The following PACS2 variants were observed in gnomAD, a reference collection of about 807,000 sequenced individuals.
PACS2 encodes the protein PACS1-like protein.
PACS2 carries 36 observed loss-of-function variants against 113.0 expected under a neutral mutation model. The ratio of observed to expected loss-of-function variants is 0.32; its 90% CI spans 0.24 to 0.42. The LOEUF (loss-of-function observed/expected upper bound fraction) is 0.42, where lower values mean the gene tolerates loss of function less well. Among genes scored for constraint, PACS2 ranks in the 10% least tolerant of loss-of-function variants. PACS2 has a pLI of 1.00. For missense variants in PACS2, 1,015 were observed against 1,239.5 expected (o/e 0.82, Z 2.72); for synonymous variants, 589 against 536.1 (o/e 1.10, Z -1.36).
intron 2 of PACS2, among the ~76,000 whole-genome samples, chr14:105,349,131 T>TG (rs138505632): frequency 0.039 from 5,920 of 152,282 alleles, 427 homozygotes; most frequent in African/African-American, 0.13. Flanking sequence ...GCCCCCTCCT[T>TG]GGGGTAGAGC....
At chr14:105,383,642 C>CGGTGTGGCATGGCGT in intron 16 of PACS2, 129 bp downstream of exon 16, 4 of 814,250 alleles carry the variant, frequency 4.9e-6, no homozygotes, top group Admixed American at 6.1e-5. Context: ...TGGTGTGGCG[C>CGGTGTGGCATGGCGT]GGTGTGGCAT....
At chr14:105,394,007 C>T (rs1210809136) in intron 24 of PACS2, among the ~76,000 whole-genome samples, 1 of 145,732 alleles carries the variant, frequency 6.9e-6, no homozygotes, top group Non-Finnish European at 1.5e-5. Context: ...CACTGCACTC[C>T]AGCCTGGGTG....
chr14:105,308,830 C>T (rs2058266923), intron 1 of PACS2, among the ~76,000 whole-genome samples: 2 of 151,988 alleles, frequency 1.3e-5, no homozygotes, highest in Middle Eastern at 6.8e-3. Flanking sequence ...CCTTAGGGAC[C>T]CAGCACAGTG....
rs147251433 is a variant in PACS2, at chr14:105,323,548, C to T, written c.119+8511C>T. ...CGTTCCTGTAATGGAACCAGGATGT[C>T]ATGCCAAGGAGTGTGGTTTCATTTT... On this transcript the variant is annotated intron_variant, in intron 1 of 24. Transcript: ENST00000447393. This position sits in a 1 kb window ranked among gnomAD's most constrained non-coding sequence, Gnocchi z 4.1. Among the ~76,000 whole-genome samples the T allele has an allele frequency of 5.0e-4, 76 of 152,364 alleles. No homozygotes were observed. The East Asian group carries it at 0.012, about 23-fold the overall frequency.
intron 19 of PACS2, chr14:105,389,021 T>A (rs74090530): frequency 6.6e-6 from 1 of 152,368 alleles, no homozygotes; most frequent in African/African-American, 2.4e-5. Flanking sequence ...CGGCGGGGCC[T>A]CATGCTGTGC....
chr14:105,382,455 G>A (rs782208039), intron 13 of PACS2, 22 bp from the exon 14 acceptor site: 2 of 1,409,320 alleles, frequency 1.4e-6, no homozygotes, highest in African/African-American at 1.4e-5. Flanking sequence ...TTCTGGGTGT[G>A]GACAGGGCTC....
chr14:105,376,925 G>A lies in PACS2; in HGVS notation c.959G>A (p.Arg320Gln), dbSNP rs1458292215. Residue 320 changes from arginine (R) to glutamine (Q), a missense_variant and splice_region_variant, in exon 9 of 25, where the codon CGG (arginine) becomes CAG (glutamine). Physicochemically the swap from Arg to Gln is conservative, Grantham distance 43. Around this residue, in one of 3 missense-constraint regions of PACS2, gnomAD observed 859 missense variants for 1,056.8 expected, o/e 0.81. Coordinates refer to ENST00000447393, the MANE Select transcript of PACS2 (RefSeq NM_001100913.3). This position sits in a 1 kb window ranked among gnomAD's most constrained non-coding sequence, Gnocchi z 4.7. ...CTCAGCACCCCCAAGCCGAAGCTGC[G>A]GTGAGCCCTACAGGGCGGGGCGGGG... is the stretch of plus-strand genomic sequence containing the variant. ...SVLSTPKPKLRPYFEGLSHSS... is the reference protein window; with the variant it reads ...SVLSTPKPKLQPYFEGLSHSS... The A allele has an allele frequency of 6.2e-7, 1 of 1,606,502 alleles. No individual in the cohort carries two copies. The highest frequency in any genetic ancestry group is 8.5e-7 in the Non-Finnish European group (1 of 1,176,342).
At position 105,383,528 on chromosome 14, in the gene PACS2, G is replaced by T; in HGVS notation, c.1780+15G>T. 1 of 1,569,014 alleles carries T rather than the reference G, an allele frequency of 6.4e-7. No homozygotes were observed. On this transcript the variant is annotated intron_variant, in intron 16 of 24. Coordinates refer to ENST00000447393, the MANE Select transcript of PACS2 (RefSeq NM_001100913.3). ...CATCCCACTGGGTGAGCACCACGCCGTCCACCTGGGCCTGGGCACAGATGC... is the reference window on the plus strand; with the variant it reads ...CATCCCACTGGGTGAGCACCACGCCTTCCACCTGGGCCTGGGCACAGATGC...
chr14:105,316,793 G>GA (rs2058668644), intron 1 of PACS2, among the ~76,000 whole-genome samples: 1 of 152,112 alleles, frequency 6.6e-6, no homozygotes, highest in South Asian at 2.1e-4. Context: ...TGCTGGGGGG[G>GA]GTCCCGAGCT....
At position 105,376,406 on chromosome 14, in the gene PACS2, A is replaced by G. The variant is rs2080775935; in HGVS notation, c.802-362A>G. ...GACGCACTAGAGGAAGGCAAAGGGG[A>G]GCCTCCTGGGTGTGGGGAGCACTTT... is the stretch of plus-strand genomic sequence containing the variant. On this transcript the variant is annotated intron_variant, in intron 8 of 24. Coordinates refer to ENST00000447393, the MANE Select transcript of PACS2 (RefSeq NM_001100913.3). This position sits in a 1 kb window ranked among gnomAD's most constrained non-coding sequence, Gnocchi z 4.7. 6.6e-6 allele frequency among the ~76,000 whole-genome samples: 1 copy of G among 152,096 alleles called. No individual in the cohort carries two copies. The highest frequency in any genetic ancestry group is 2.4e-5 in the African/African-American group (1 of 41,474).
At chr14:105,390,295 C>T (rs587600080) in intron 20 of PACS2, 35 of 470,940 alleles carry the variant, frequency 7.4e-5, no homozygotes, top group Middle Eastern at 6.1e-4. Flanking sequence ...CTTGGCCCCA[C>T]GTCTCAGGAG....
rs587655265 is a variant in PACS2 at position 105,384,862 on chromosome 14, G to T, written c.1892-17G>T. 13 of 1,469,782 alleles carry T rather than the reference G, an allele frequency of 8.8e-6. No individual in the cohort carries two copies. The highest frequency in any genetic ancestry group is 5.8e-5 in the Admixed American group (3 of 51,558). 91.0% of individuals were successfully genotyped at this position (1,469,782 alleles called of 1,614,324 possible). ...CCTGGCACCAGCCTAACCCCCCACC[G>T]CCTCCTCCCCCTGCAGTACAGGACA... On this transcript the variant is annotated splice_polypyrimidine_tract_variant and intron_variant, in intron 17 of 24. Coordinates refer to ENST00000447393, the MANE Select transcript of PACS2 (RefSeq NM_001100913.3).
intron 23 of PACS2, among the ~76,000 whole-genome samples, 176 bp downstream of exon 23, chr14:105,393,021 C>T (rs1338796110): frequency 3.3e-5 from 5 of 152,162 alleles, no homozygotes; most frequent in Non-Finnish European, 7.4e-5. Context: ...GGGTCAGGTG[C>T]TTCTGACCAG....
chr14:105,347,097 TC>T (rs1204974753), intron 1 of PACS2, among the ~76,000 whole-genome samples: 1 of 146,720 alleles, frequency 6.8e-6, no homozygotes, highest in Non-Finnish European at 1.5e-5. Context: ...GTCAGGCGCG[TC>T]CCACCCAGAG....
Position 105,357,315 on chromosome 14 carries a change from C to A in PACS2, c.423+2138C>A, listed in dbSNP as rs1045468513. ...CATCGTCTGCTGCTTGAAATCCCAT[C>A]ATCTGTTCTTCACTCTTGGCAGAAA... On this transcript the variant is annotated intron_variant, in intron 4 of 24. Transcript: ENST00000447393. The surrounding 1 kb of genome is among the most constrained non-coding windows in gnomAD (Gnocchi z 5.1). 6.6e-6 allele frequency among the ~76,000 whole-genome samples: 1 copy of A among 151,940 alleles called. No homozygotes were observed.
At chr14:105,341,896 T>G (rs1363536765) in intron 1 of PACS2, among the ~76,000 whole-genome samples, 1 of 152,150 alleles carries the variant, frequency 6.6e-6, no homozygotes, top group Admixed American at 6.5e-5. Flanking sequence ...TCCTTCTAAG[T>G]GTGCGGAGAG....
intron 12 of PACS2, among the ~76,000 whole-genome samples, chr14:105,381,410 C>A (rs1199922867): frequency 6.6e-6 from 1 of 152,220 alleles, no homozygotes; most frequent in Non-Finnish European, 1.5e-5. Context: ...ACACATACAC[C>A]AGCTTGATTC....
chr14:105,331,734 A>G (rs1437182875), intron 1 of PACS2, among the ~76,000 whole-genome samples: 2 of 152,266 alleles, frequency 1.3e-5, no homozygotes, highest in Non-Finnish European at 2.9e-5. Flanking sequence ...CAGGAGAAAC[A>G]GCAATGCCTT....
chr14:105,307,548 C>G (rs1388379315), intron 1 of PACS2, among the ~76,000 whole-genome samples: 1 of 152,202 alleles, frequency 6.6e-6, no homozygotes, highest in African/African-American at 2.4e-5. Flanking sequence ...GCGGTTGTCT[C>G]TGTGTCTGTC....
Sources: gnomAD v4.1 joint callset for allele counts (sites outside exome capture counted in the v4.1 genomes callset) on GRCh38, gnomAD v4.1.1 for gene constraint, gnomAD v4.1.1 regional missense constraint, Gnocchi (gnomAD v3.1) non-coding constraint, MANE v1.5 for transcripts, NCBI Gene and HGNC (gene_info 2026-07-23, HGNC 2026-07-21) for gene names.